The following NTRK2 variants were observed in gnomAD, a reference collection of about 807,000 sequenced individuals.
NTRK2 encodes the protein BDNF/NT-3 growth factors receptor.
Under a neutral mutation model 94.5 loss-of-function variants are expected in NTRK2, and 13 were observed. The observed-to-expected ratio is 0.14, with a 90% confidence interval of 0.09 to 0.22. The LOEUF (loss-of-function observed/expected upper bound fraction) is 0.22, where lower values mean the gene tolerates loss of function less well. NTRK2 is among the 10% of genes least tolerant of loss of function. The pLI, the probability that NTRK2 is intolerant of heterozygous loss-of-function variation, is 1.00. For synonymous variants in NTRK2, 372 were observed against 407.4 expected (o/e 0.91, Z 1.05); for missense variants, 639 against 1,071.2 (o/e 0.60, Z 5.63).
chr9:85,000,794 G>A (rs1239733982), intron 17 of NTRK2, among the ~76,000 whole-genome samples: 1 of 152,096 alleles, frequency 6.6e-6, no homozygotes, highest in Non-Finnish European at 1.5e-5. Context: ...ATGACTACTG[G>A]GTCATATGGT....
chr9:84,720,393 A>G (rs1035222313), intron 6 of NTRK2, among the ~76,000 whole-genome samples: 2 of 152,242 alleles, frequency 1.3e-5, no homozygotes, highest in African/African-American at 4.8e-5. Context: ...TACATACTGA[A>G]TATTAATATT....
At chr9:84,771,561 C>G (rs949944862) in intron 12 of NTRK2, among the ~76,000 whole-genome samples, 1 of 152,212 alleles carries the variant, frequency 6.6e-6, no homozygotes, top group Non-Finnish European at 1.5e-5. Context: ...AAAAGCCATA[C>G]TAGAGACCTT....
chr9:84,766,562 G>C (rs946100652), intron 12 of NTRK2, among the ~76,000 whole-genome samples: 7 of 151,900 alleles, frequency 4.6e-5, no homozygotes, highest in Non-Finnish European at 1.0e-4. Flanking sequence ...TATCTCATGC[G>C]GGGAGAGTTC....
chr9:84,672,183 A>G (rs1292395922), intron 2 of NTRK2, among the ~76,000 whole-genome samples: 1 of 152,070 alleles, frequency 6.6e-6, no homozygotes, highest in Non-Finnish European at 1.5e-5. Flanking sequence ...TAAGTAAGAG[A>G]CCTTCCTAGT....
At chr9:84,767,066 T>G (rs993248463) in intron 12 of NTRK2, among the ~76,000 whole-genome samples, 3 of 152,216 alleles carry the variant, frequency 2.0e-5, no homozygotes, top group Non-Finnish European at 2.9e-5. Flanking sequence ...GACCCAGACT[T>G]TGACTTATGT....
At chr9:84,873,820 A>T in intron 14 of NTRK2, 1 of 1,057,456 alleles carries the variant, frequency 9.5e-7, no homozygotes, top group Non-Finnish European at 1.1e-6. Flanking sequence ...GTATACTTAG[A>T]CCTCCTAGAG....
intron 12 of NTRK2, among the ~76,000 whole-genome samples, chr9:84,774,409 C>A (rs950626392): frequency 6.6e-6 from 1 of 152,172 alleles, no homozygotes; most frequent in African/African-American, 2.4e-5. Context: ...TACTTTGTCT[C>A]GCTTAGTTTT....
chr9:84,898,278 C>A (rs1313135971), intron 14 of NTRK2, among the ~76,000 whole-genome samples: 1 of 152,108 alleles, frequency 6.6e-6, no homozygotes, highest in African/African-American at 2.4e-5. Context: ...GAAGTCAACT[C>A]CAGTTTACTA....
chr9:85,002,747 G>C (rs1314465558), intron 17 of NTRK2, among the ~76,000 whole-genome samples: 1 of 152,204 alleles, frequency 6.6e-6, no homozygotes, highest in Non-Finnish European at 1.5e-5. Context: ...GATATGGAAA[G>C]GTAAAGTCTG....
chr9:84,702,391 T>C lies in NTRK2; in HGVS notation c.331T>C (p.Phe111Leu). The change falls in exon 4 of 19, where the codon TTT (phenylalanine) becomes CTT (leucine). Residue 111 changes from phenylalanine (F) to leucine (L), a missense_variant. Around this residue, in one of 5 missense-constraint regions of NTRK2, gnomAD observed 206 missense variants for 251.5 expected, o/e 0.82. Transcript: ENST00000277120. ...ATTAAAATTTGTGGCTCATAAAGCA[T>C]TTCTGAAAAACAGCAACCTGCAGCA... ...SGLKFVAHKA[F>L]LKNSNLQHIN... 3 of 1,614,228 alleles carry C rather than the reference T, an allele frequency of 1.9e-6. No individual in the cohort carries two copies. Among genetic ancestry groups the C allele is most frequent in the Non-Finnish European group, 2.5e-6 (3 of 1,180,032 alleles).
intron 14 of NTRK2, among the ~76,000 whole-genome samples, chr9:84,913,612 C>T (rs1324223988): frequency 6.6e-6 from 1 of 152,012 alleles, no homozygotes; most frequent in Non-Finnish European, 1.5e-5. Flanking sequence ...TGGTACTTTC[C>T]TCTGGCCTCC....
chr9:84,838,147 G>A (rs560776985), intron 12 of NTRK2, among the ~76,000 whole-genome samples: 2 of 152,242 alleles, frequency 1.3e-5, no homozygotes, highest in Non-Finnish European at 2.9e-5. Flanking sequence ...CCATATGTTA[G>A]CAATAATGTT....
intron 14 of NTRK2, among the ~76,000 whole-genome samples, chr9:84,908,659 C>G (rs779583634): frequency 4.6e-5 from 7 of 152,154 alleles, no homozygotes; most frequent in Non-Finnish European, 8.8e-5. Flanking sequence ...TTGCTAGGCA[C>G]AGTGGGGTAT....
intron 2 of NTRK2, 95 bp from the exon 3 acceptor site, chr9:84,702,064 G>A: frequency 1.9e-6 from 2 of 1,070,496 alleles, no homozygotes; most frequent in South Asian, 1.3e-5. Flanking sequence ...TGTGGAGGGA[G>A]CACCTTGGAC....
chr9:84,896,671 C>T (rs2076767314), intron 14 of NTRK2, among the ~76,000 whole-genome samples: 1 of 152,166 alleles, frequency 6.6e-6, no homozygotes, highest in African/African-American at 2.4e-5. Context: ...CTTTTTTCCC[C>T]TATGGCTTAC....
At chr9:84,748,475 T>C (rs1181367416) in intron 11 of NTRK2, among the ~76,000 whole-genome samples, 1 of 152,232 alleles carries the variant, frequency 6.6e-6, no homozygotes, top group African/African-American at 2.4e-5. Context: ...TACTGTCTAA[T>C]GAAGAAGCAG....
intron 17 of NTRK2, among the ~76,000 whole-genome samples, chr9:84,991,806 A>G (rs954764023): frequency 1.3e-5 from 2 of 152,168 alleles, no homozygotes; most frequent in African/African-American, 4.8e-5. Context: ...AGGAACAGCC[A>G]GGGCTCTTTA....
intron 9 of NTRK2, among the ~76,000 whole-genome samples, chr9:84,734,651 G>C (rs1202248634): frequency 6.6e-6 from 1 of 152,126 alleles, no homozygotes; most frequent in Non-Finnish European, 1.5e-5. Flanking sequence ...AGTCTTATGA[G>C]ATCTGATGGT....
At position 85,023,450 on chromosome 9, in the gene NTRK2, A is replaced by C; in HGVS notation, c.*2013A>C. ...CCAATTCTCAAAAATTCAAAAGTGCAAATTAACAGAACAAAAGGAAATCCA... is the reference window on the plus strand; with the variant it reads ...CCAATTCTCAAAAATTCAAAAGTGCCAATTAACAGAACAAAAGGAAATCCA... On this transcript the variant is annotated 3_prime_UTR_variant, in exon 19 of 19. Coordinates refer to ENST00000277120, the MANE Select transcript of NTRK2 (RefSeq NM_006180.6). The C allele has an allele frequency of 4.3e-6, 1 of 232,614 alleles. No homozygotes were observed. The highest frequency in any genetic ancestry group is 6.1e-5 in the East Asian group (1 of 16,478). 14.4% of individuals were successfully genotyped at this position (232,614 alleles called of 1,614,324 possible).
Sources: allele counts gnomAD v4.1 joint callset (sites outside exome capture counted in the v4.1 genomes callset), GRCh38; gene constraint gnomAD v4.1.1; regional missense constraint gnomAD v4.1.1; transcripts MANE v1.5; gene names NCBI Gene and HGNC (gene_info 2026-07-23, HGNC 2026-07-21).